The following WRN variants were observed in gnomAD, a reference collection of about 807,000 sequenced individuals.
WRN encodes WRN RecQ like helicase.
A neutral mutation model predicts 180.7 loss-of-function variants in WRN; 149 were observed. The observed-to-expected ratio is 0.82, with a 90% CI of 0.72 to 0.94. The LOEUF (loss-of-function observed/expected upper bound fraction) is 0.94, where lower values mean the gene tolerates loss of function less well. WRN is among the 40% of genes least tolerant of loss of function. The pLI is 0.00. For missense variants in WRN, 1,661 were observed against 1,700.1 expected (o/e 0.98, Z 0.40); for synonymous variants, 548 against 568.9 (o/e 0.96, Z 0.52).
rs2130480095 is a variant in WRN at position 31,157,377 on chromosome 8, G to A, written c.3829G>A (p.Ala1277Thr). The A allele has an allele frequency of 6.2e-7, 1 of 1,613,970 alleles. No individual in the cohort carries two copies. The highest frequency in any genetic ancestry group is 8.5e-7 in the Non-Finnish European group (1 of 1,180,020). The part of the protein sequence containing the change: ...QEKKMPLKSI[A>T]ESRILPLMTI... ...GCTGATCTTTCTCTAGAAGAGCATA[G>A]CTGAGAGCAGGATTCTGCCTCTCAT... The change falls in exon 33 of 35, where the codon GCT becomes ACT. Residue 1277 changes from alanine to threonine, a missense_variant. Coordinates refer to ENST00000298139, the MANE Select transcript of WRN (RefSeq NM_000553.6).
intron 1 of WRN, among the ~76,000 whole-genome samples, chr8:31,038,832 A>G (rs913494826): frequency 3.9e-5 from 6 of 152,298 alleles, no homozygotes; most frequent in South Asian, 2.1e-4. Flanking sequence ...TTAAGAGTCT[A>G]TTCTTTCCCC....
intron 8 of WRN, among the ~76,000 whole-genome samples, chr8:31,078,666 G>A (rs1399980071): frequency 1.3e-5 from 2 of 152,178 alleles, no homozygotes; most frequent in African/African-American, 4.8e-5. Flanking sequence ...TATTGGCAGT[G>A]TATAGTACTG....
intron 23 of WRN, among the ~76,000 whole-genome samples, chr8:31,126,052 G>A (rs562423951): frequency 1.3e-5 from 2 of 151,424 alleles, no homozygotes; most frequent in South Asian, 2.1e-4. Flanking sequence ...GAAATCTACA[G>A]TTACATTTGG....
chr8:31,060,241 T>TA (rs545650714), intron 3 of WRN, among the ~76,000 whole-genome samples: 1,523 of 151,186 alleles, frequency 0.01, 12 homozygotes, highest in African/African-American at 0.032. Flanking sequence ...ACCTGTCTTT[T>TA]AAAAAAAAAA....
chr8:31,143,448 C>G, intron 27 of WRN, 102 bp from the exon 28 acceptor site: 1 of 763,686 alleles, frequency 1.3e-6, no homozygotes, highest in Non-Finnish European at 2.2e-6. Context: ...CTTGATTAGG[C>G]AAAGAAAAAA....
Position 31,130,028 on chromosome 8 carries a change from A to C in WRN, c.2826-2337A>C, listed in dbSNP as rs1485012886. 9.3e-4 allele frequency among the ~76,000 whole-genome samples: 138 copies of C among 148,952 alleles called. 2 individuals carry two copies. Among genetic ancestry groups the C allele is most frequent in the African/African-American group, 2.8e-3 (112 of 40,526 alleles). On this transcript the variant is annotated intron_variant, in intron 23 of 34. Transcript: ENST00000298139. Reference sequence around the variant, plus strand: ...TCAAAAAAAAAACAAAACAAAACAAAAAAAAAAACTAGTAAGAGGGCCCAG... The same window carrying C: ...TCAAAAAAAAAACAAAACAAAACAACAAAAAAAACTAGTAAGAGGGCCCAG...
intron 22 of WRN, 89 bp from the exon 23 acceptor site, chr8:31,124,818 TA>T: frequency 7.5e-7 from 1 of 1,334,294 alleles, no homozygotes; most frequent in Non-Finnish European, 1.1e-6. Flanking sequence ...GTGAATCAAT[TA>T]ATGGTGATTT....
intron 15 of WRN, 120 bp from the exon 16 acceptor site, chr8:31,091,710 A>G (rs533274504): frequency 6.7e-5 from 71 of 1,060,904 alleles, no homozygotes; most frequent in Non-Finnish European, 9.8e-5. Flanking sequence ...GTGACAAAAA[A>G]GAAAATTGCA....
chr8:31,056,234 T>C (rs2129989719), intron 1 of WRN, among the ~76,000 whole-genome samples: 1 of 152,308 alleles, frequency 6.6e-6, no homozygotes, highest in Admixed American at 6.5e-5. Flanking sequence ...AAACCTCAGT[T>C]TTCTGGCATT....
At chr8:31,134,232 T>C (rs2725359) in intron 24 of WRN, among the ~76,000 whole-genome samples, 50,970 of 152,070 alleles carry the variant, frequency 0.34, 9,516 homozygotes, top group East Asian at 0.61. Flanking sequence ...TTTAGTGAAA[T>C]GTTCCCTTTA....
chr8:31,035,196 A>G (rs1409098856), intron 1 of WRN, among the ~76,000 whole-genome samples: 1 of 152,240 alleles, frequency 6.6e-6, no homozygotes, highest in Non-Finnish European at 1.5e-5. Context: ...ATTTTAGTGG[A>G]AAGAGACAGG....
chr8:31,066,956 T>A, intron 5 of WRN, 77 bp from the exon 6 acceptor site: 2 of 1,547,384 alleles, frequency 1.3e-6, no homozygotes, highest in South Asian at 2.2e-5. Flanking sequence ...TTATTTGTGG[T>A]ATGTTCATTT....
rs186412414 is a variant in WRN, at chr8:31,119,845, T to C, written c.2449-398T>C. On this transcript the variant is annotated intron_variant, in intron 20 of 34. Transcript: ENST00000298139. ...TAATGCATTATGTTTCATCCCACCA[T>C]CTTTAATGAGAAGCTTCCATCTTAG... 1.5e-4 allele frequency: 29 copies of C among 187,832 alleles called. 1 individual carries two copies. The highest frequency in any genetic ancestry group is 5.7e-5 in the Admixed American group (1 of 17,614). 11.6% of individuals were successfully genotyped at this position (187,832 alleles called of 1,614,324 possible). A position where few individuals can be genotyped will look rare whatever the true frequency, so the allele number is the denominator to read the frequency against.
At position 31,157,574 on chromosome 8, in the gene WRN, A is replaced by C. The variant is rs745979023; in HGVS notation, c.3982+44A>C. 1.9e-6 allele frequency: 3 copies of C among 1,610,764 alleles called. No homozygotes were observed. In the African/African-American group the frequency reaches 4.0e-5, roughly 22 times the overall value. On this transcript the variant is annotated intron_variant, in intron 33 of 34. Coordinates refer to ENST00000298139, the MANE Select transcript of WRN (RefSeq NM_000553.6). ...CTCTGCACCCTTAATGACTTGATGA[A>C]GTAAACAAGCAATCCACTATATTTT...
At chr8:31,053,336 A>T (rs191070800) in intron 1 of WRN, among the ~76,000 whole-genome samples, 2 of 152,368 alleles carry the variant, frequency 1.3e-5, no homozygotes, top group African/African-American at 4.8e-5. Flanking sequence ...AGGTTGTCTT[A>T]TTCATGGAGA....
At chr8:31,146,980 T>G in intron 28 of WRN, 73 bp from the exon 29 acceptor site, 2 of 1,263,470 alleles carry the variant, frequency 1.6e-6, no homozygotes, top group South Asian at 1.3e-5. Context: ...ACATTCTCAT[T>G]TAGGGGATGA....
chr8:31,136,774 C>G (rs559322862), intron 24 of WRN, among the ~76,000 whole-genome samples: 6 of 152,176 alleles, frequency 3.9e-5, no homozygotes, highest in African/African-American at 1.4e-4. Flanking sequence ...GAATTCAGGA[C>G]TGCAGTGAGC....
chr8:31,073,079 A>G (rs1012891799), intron 7 of WRN, among the ~76,000 whole-genome samples: 2 of 152,234 alleles, frequency 1.3e-5, no homozygotes, highest in Non-Finnish European at 2.9e-5. Flanking sequence ...AATAAATACG[A>G]TGATGGGTGA....
chr8:31,118,257 G>C (rs138903368), intron 20 of WRN, among the ~76,000 whole-genome samples: 1 of 151,820 alleles, frequency 6.6e-6, no homozygotes, highest in Non-Finnish European at 1.5e-5. Context: ...TATGTGTTGC[G>C]GTATTCTCCC....
Sources: allele counts gnomAD v4.1 joint callset (sites outside exome capture counted in the v4.1 genomes callset), GRCh38; gene constraint gnomAD v4.1.1; transcripts MANE v1.5; gene names NCBI Gene and HGNC (gene_info 2026-07-23, HGNC 2026-07-21).